TRPM6: variants seen among roughly 807,000 people sequenced by gnomAD.
TRPM6 encodes the protein channel kinase 2.
TRPM6 carries 111 observed loss-of-function variants against 247.6 expected under a neutral mutation model. That is an observed-to-expected ratio of 0.45 (90% CI 0.38 to 0.52). The LOEUF (loss-of-function observed/expected upper bound fraction) is 0.52. TRPM6 is among the 20% of genes least tolerant of loss of function. The pLI is 0.00. For missense variants in TRPM6, 2,126 were observed against 2,421.5 expected, an observed-to-expected ratio of 0.88 and a Z score of 2.56; for synonymous variants, 892 against 853.8, an observed-to-expected ratio of 1.04 and a Z score of -0.78.
chr9:74,854,969 G>A lies in TRPM6; in HGVS notation c.152+558C>T, dbSNP rs1040281190. Among the ~76,000 whole-genome samples, 11 of 152,332 alleles carry A rather than the reference G, an allele frequency of 7.2e-5. No homozygotes were observed. The East Asian group carries it at 1.7e-3, about 24-fold the overall frequency. ...CCTGGGATAACAGGTGTGAGTGACT[G>A]TGCCTAGTCCCAAATGTTTTTTTCC... On this transcript the variant is annotated intron_variant, in intron 3 of 38. Coordinates refer to ENST00000360774, the MANE Select transcript of TRPM6 (RefSeq NM_017662.5).
intron 7 of TRPM6, among the ~76,000 whole-genome samples, chr9:74,827,433 T>C (rs1356559872): frequency 6.6e-6 from 1 of 152,120 alleles, no homozygotes; most frequent in South Asian, 2.1e-4. Flanking sequence ...CTCTACTCTG[T>C]GCAGGTGATA....
chr9:74,831,021 T>A (rs1044988250), intron 6 of TRPM6, among the ~76,000 whole-genome samples: 1 of 152,096 alleles, frequency 6.6e-6, no homozygotes, highest in African/African-American at 2.4e-5. Context: ...CAAGCTAGTA[T>A]CAAAGATTTA....
chr9:74,750,392 T>G (rs970610110), intron 30 of TRPM6, among the ~76,000 whole-genome samples: 1 of 152,242 alleles, frequency 6.6e-6, no homozygotes, highest in Admixed American at 6.5e-5. Flanking sequence ...TTATTCTATG[T>G]GTGTTTTGAC....
At chr9:74,806,540 T>C (rs944494848) in intron 14 of TRPM6, among the ~76,000 whole-genome samples, 2 of 152,208 alleles carry the variant, frequency 1.3e-5, no homozygotes, top group Non-Finnish European at 2.9e-5. Context: ...ATTATTACTA[T>C]TGTAATATGA....
intron 19 of TRPM6, among the ~76,000 whole-genome samples, chr9:74,789,974 A>AAAAG (rs1232008073): frequency 1.7e-4 from 21 of 121,982 alleles, no homozygotes; most frequent in African/African-American, 6.2e-4. Flanking sequence ...AAAAAAAAAA[A>AAAAG]AAAAAAAAAA....
chr9:74,753,386 G>GA (rs1433722345), intron 28 of TRPM6, among the ~76,000 whole-genome samples: 1 of 151,938 alleles, frequency 6.6e-6, no homozygotes, highest in Non-Finnish European at 1.5e-5. Flanking sequence ...AAGTATACAA[G>GA]AAGTATAAAA....
chr9:74,858,570 T>C (rs1267627519), intron 2 of TRPM6, 99 bp downstream of exon 2: 7 of 702,956 alleles, frequency 1.0e-5, no homozygotes, highest in Non-Finnish European at 9.6e-6. Context: ...ACTTTATAGA[T>C]ATGATCAAAA....
Position 74,842,267 on chromosome 9 carries a change from C to T in TRPM6, c.229G>A (p.Glu77Lys). Reference protein sequence around the residue: ...SWTISAAKGKESEQWSVEKHT... With the variant: ...SWTISAAKGKKSEQWSVEKHT... ...TTTTCAACAGACCATTGTTCACTTT[C>T]TTTACCCTTGGCAGCTGAGATGGTC... Residue 77 changes from glutamate to lysine, a missense_variant, in exon 4 of 39, where the codon GAA (glutamate) becomes AAA (lysine). Physicochemically the swap from Glu to Lys is moderately conservative, Grantham distance 56. Coordinates refer to ENST00000360774, the MANE Select transcript of TRPM6 (RefSeq NM_017662.5). The T allele has an allele frequency of 6.2e-7, 1 of 1,614,138 alleles. No homozygotes were observed. The highest frequency in any genetic ancestry group is 8.5e-7 in the Non-Finnish European group (1 of 1,180,022).
At chr9:74,855,428 C>T in intron 3 of TRPM6, 99 bp downstream of exon 3, 1 of 870,810 alleles carries the variant, frequency 1.1e-6, no homozygotes, top group South Asian at 1.3e-5. Context: ...ATGGCATGCA[C>T]CATTTACTGA....
At chr9:74,793,731 T>G (rs1402775000) in intron 18 of TRPM6, among the ~76,000 whole-genome samples, 2 of 152,212 alleles carry the variant, frequency 1.3e-5, no homozygotes, top group African/African-American at 2.4e-5. Context: ...GCAGAGGGTC[T>G]GTTTGCCTGC....
At chr9:74,842,852 TG>T (rs1829987741) in intron 3 of TRPM6, among the ~76,000 whole-genome samples, 1 of 152,234 alleles carries the variant, frequency 6.6e-6, no homozygotes, top group Non-Finnish European at 1.5e-5. Flanking sequence ...TCAATGTTGA[TG>T]GTTGCTAACT....
At chr9:74,757,604 C>T (rs1402771540) in intron 27 of TRPM6, among the ~76,000 whole-genome samples, 1 of 143,764 alleles carries the variant, frequency 7.0e-6, no homozygotes, top group Admixed American at 7.0e-5. Context: ...TAGGGGAAAA[C>T]CCAAATTTAA....
At chr9:74,854,342 A>G (rs950094701) in intron 3 of TRPM6, among the ~76,000 whole-genome samples, 4 of 152,204 alleles carry the variant, frequency 2.6e-5, no homozygotes, top group Admixed American at 1.3e-4. Context: ...TAAAGAATAT[A>G]GTAGAAACTA....
At position 74,820,370 on chromosome 9, in the gene TRPM6, G is replaced by A. The variant is rs767808600; in HGVS notation, c.1068C>T (p.Asn356=). The part of the protein sequence containing the change: ...EIICMIQNTF[N]FSLKQSKHLF... ...GGTGCTTGGACTGTTTAAGACTAAA[G>A]TTGAAAGTGTTCTGAATCATGCAGA... Residue 356 remains asparagine (N), a synonymous_variant, in exon 9 of 39, where the codon AAC becomes AAT. Coordinates refer to ENST00000360774, the MANE Select transcript of TRPM6 (RefSeq NM_017662.5). The A allele has an allele frequency of 3.7e-6, 6 of 1,614,092 alleles. No homozygotes were observed. Among genetic ancestry groups the A allele is most frequent in the Non-Finnish European group, 5.1e-6 (6 of 1,179,968 alleles).
chr9:74,753,381 T>C (rs1214653391), intron 28 of TRPM6, among the ~76,000 whole-genome samples: 2 of 151,958 alleles, frequency 1.3e-5, no homozygotes, highest in Non-Finnish European at 2.9e-5. Flanking sequence ...AAAAAAAGTA[T>C]ACAAGAAGTA....
At chr9:74,847,053 CA>C (rs1830133759) in intron 3 of TRPM6, among the ~76,000 whole-genome samples, 1 of 152,098 alleles carries the variant, frequency 6.6e-6, no homozygotes, top group Non-Finnish European at 1.5e-5. Context: ...TTCTGCAAGC[CA>C]ACAATGGTCT....
chr9:74,783,779 A>G (rs898184846), intron 21 of TRPM6, among the ~76,000 whole-genome samples: 4 of 152,156 alleles, frequency 2.6e-5, no homozygotes, highest in African/African-American at 9.7e-5. Context: ...AATAGGAAAA[A>G]TCTTTGGAGT....
At chr9:74,884,331 T>C (rs1311429544) in intron 1 of TRPM6, among the ~76,000 whole-genome samples, 2 of 149,254 alleles carry the variant, frequency 1.3e-5, no homozygotes, top group African/African-American at 5.0e-5. Flanking sequence ...CGACTAAAAA[T>C]ACAAAAAATG....
intron 21 of TRPM6, among the ~76,000 whole-genome samples, chr9:74,784,342 G>T (rs953813878): frequency 6.6e-6 from 1 of 152,048 alleles, no homozygotes; most frequent in Non-Finnish European, 1.5e-5. Flanking sequence ...TGACAGACTG[G>T]AGCTAGGTGG....
Sources: gnomAD v4.1 joint callset for allele counts (sites outside exome capture counted in the v4.1 genomes callset) on GRCh38, gnomAD v4.1.1 for gene constraint, MANE v1.5 for transcripts, NCBI Gene and HGNC (gene_info 2026-07-23, HGNC 2026-07-21) for gene names.